Variants in ARPP21 observed in about 807,000 individuals in gnomAD.
ARPP21 encodes cAMP-regulated phosphoprotein 21.
A neutral mutation model predicts 113.2 loss-of-function variants in ARPP21; 69 were observed. The ratio of observed to expected loss-of-function variants is 0.61; its 90% confidence interval spans 0.50 to 0.74. The LOEUF is 0.74. Among genes scored for constraint, ARPP21 ranks in the 30% least tolerant of loss-of-function variants. ARPP21 has a pLI of 0.00. For missense variants in ARPP21, 1,070 were observed against 1,037.4 expected, an observed-to-expected ratio of 1.03 and a Z score of -0.43; for synonymous variants, 368 against 375.5, an observed-to-expected ratio of 0.98 and a Z score of 0.23.
chr3:35,756,370 AT>A (rs2095570413), intron 19 of ARPP21, among the ~76,000 whole-genome samples: 1 of 152,110 alleles, frequency 6.6e-6, no homozygotes, highest in East Asian at 1.9e-4. Context: ...TTATAGTATG[AT>A]TCCATGGCTG....
intron 18 of ARPP21, 22 bp downstream of exon 18, chr3:35,739,599 T>C (rs1230506901): frequency 2.5e-6 from 4 of 1,591,632 alleles, no homozygotes; most frequent in East Asian, 2.2e-5. Context: ...TCCTCATGCC[T>C]GTGACCTACA....
chr3:35,660,305 G>A (rs1165475040), intron 1 of ARPP21, among the ~76,000 whole-genome samples: 3 of 151,970 alleles, frequency 2.0e-5, no homozygotes, highest in East Asian at 1.9e-4. Context: ...ATAAATGATC[G>A]GCCCAGCCAC....
chr3:35,787,401 C>T (rs1293715339), intron 19 of ARPP21, among the ~76,000 whole-genome samples: 3 of 152,130 alleles, frequency 2.0e-5, no homozygotes, highest in Admixed American at 6.5e-5. Flanking sequence ...AATATAGTCT[C>T]TTCAAAGATT....
chr3:35,683,489 T>C (rs2079583650), intron 4 of ARPP21, among the ~76,000 whole-genome samples: 2 of 149,764 alleles, frequency 1.3e-5, no homozygotes. Flanking sequence ...CACAATTTAC[T>C]AAAAGTATTT....
At chr3:35,720,545 A>T (rs1479357043) in intron 13 of ARPP21, among the ~76,000 whole-genome samples, 1 of 152,180 alleles carries the variant, frequency 6.6e-6, no homozygotes, top group African/African-American at 2.4e-5. Flanking sequence ...TGTTAATATG[A>T]GTTAGGTGTT....
chr3:35,714,178 T>C (rs2091960644), intron 11 of ARPP21, among the ~76,000 whole-genome samples: 1 of 152,224 alleles, frequency 6.6e-6, no homozygotes, highest in South Asian at 2.1e-4. Flanking sequence ...AATGAGGTTT[T>C]TGCATACTTG....
intron 9 of ARPP21, among the ~76,000 whole-genome samples, chr3:35,702,929 G>T (rs1400890680): frequency 6.6e-6 from 1 of 151,728 alleles, no homozygotes; most frequent in Non-Finnish European, 1.5e-5. Context: ...TCTCTAATTT[G>T]TTTGACTATT....
intron 9 of ARPP21, among the ~76,000 whole-genome samples, chr3:35,706,766 A>G (rs909354430): frequency 1.3e-5 from 2 of 152,192 alleles, no homozygotes; most frequent in African/African-American, 4.8e-5. Flanking sequence ...CATGTAGCAA[A>G]CAAGACCCCA....
intron 19 of ARPP21, among the ~76,000 whole-genome samples, chr3:35,749,695 T>G (rs1424539785): frequency 6.6e-6 from 1 of 152,164 alleles, no homozygotes; most frequent in East Asian, 1.9e-4. Context: ...TAACTTTGTA[T>G]TTTAAGATAA....
intron 1 of ARPP21, among the ~76,000 whole-genome samples, chr3:35,648,019 T>C (rs1651636885): frequency 6.6e-6 from 1 of 152,114 alleles, no homozygotes; most frequent in Non-Finnish European, 1.5e-5. Flanking sequence ...CACCTCCATT[T>C]AAGAAAAAAA....
At chr3:35,729,085 C>T (rs2093762340) in intron 14 of ARPP21, among the ~76,000 whole-genome samples, 1 of 152,166 alleles carries the variant, frequency 6.6e-6, no homozygotes, top group Non-Finnish European at 1.5e-5. Context: ...CTTAATTCCT[C>T]TTTTCCCAGA....
intron 19 of ARPP21, among the ~76,000 whole-genome samples, chr3:35,768,408 T>C (rs1247865489): frequency 6.6e-6 from 1 of 152,116 alleles, no homozygotes; most frequent in Non-Finnish European, 1.5e-5. Context: ...ATATGGAACA[T>C]TGGCTAACAC....
chr3:35,731,969 T>C (rs956178328), intron 15 of ARPP21, among the ~76,000 whole-genome samples: 3 of 152,192 alleles, frequency 2.0e-5, no homozygotes, highest in African/African-American at 7.2e-5. Context: ...ATTTTATTTG[T>C]TGCTTCTCCA....
rs1468652753 is a variant in ARPP21 at position 35,736,552 on chromosome 3, TA to T, written c.1460-625del. On this transcript the variant is annotated intron_variant, in intron 15 of 20. Coordinates refer to ENST00000684406, the MANE Select transcript of ARPP21 (RefSeq NM_001385562.1). ...TTATTTCATAAGGCAAAAGAATATA[TA>T]TTAGCTTTTCCATTACAAGATGATT... 3.9e-5 allele frequency among the ~76,000 whole-genome samples: 6 copies of T among 152,334 alleles called. No individual in the cohort carries two copies. The East Asian group carries it at 1.2e-3, about 29-fold the overall frequency.
Position 35,738,272 on chromosome 3 carries a change from C to T in ARPP21, c.1703C>T (p.Pro568Leu). The T allele has an allele frequency of 6.5e-7, 1 of 1,536,202 alleles. No homozygotes were observed. Among genetic ancestry groups the T allele is most frequent in the Non-Finnish European group, 8.7e-7 (1 of 1,146,790 alleles). ...GTGCAATATCCAGCAGTCTCTTTTC[C>T]TCCCCAGCACCTCCTACCTGTGTCT... The part of the protein sequence containing the change: ...QSVQYPAVSF[P>L]PQHLLPVSPT... The change falls in exon 17 of 21, where the codon CCT (proline) becomes CTT (leucine). Residue 568 changes from proline (P) to leucine (L), a missense_variant. Physicochemically the swap from Pro to Leu is moderately conservative, Grantham distance 98. Transcript: ENST00000684406.
intron 1 of ARPP21, chr3:35,642,483 G>T (rs1250156074): frequency 6.6e-6 from 1 of 152,110 alleles, no homozygotes; most frequent in Non-Finnish European, 1.5e-5. Flanking sequence ...ATGGATTTTT[G>T]TTAGAGAATT....
At chr3:35,791,639 TAACA>T (rs1471199341) in intron 19 of ARPP21, among the ~76,000 whole-genome samples, 1 of 152,152 alleles carries the variant, frequency 6.6e-6, no homozygotes, top group Non-Finnish European at 1.5e-5. Context: ...AAATGAAGGC[TAACA>T]AACTGACCCA....
In ARPP21 at chr3:35,792,405, C is replaced by T. The variant is rs1249004964; in HGVS notation, c.2161C>T (p.Gln721Ter). ...AGGTTACCAGCCAGTCTTGTCTGGT[C>T]AACAGGGATTCCAAGGCCTAATAGG... ...QAGYQPVLSG[Q>*]QGFQGLIGVQ... Residue 721 changes from glutamine (Q) to a stop codon, truncating the protein, a stop_gained, in exon 20 of 21, where the codon CAA becomes TAA. Transcript: ENST00000684406. LOFTEE classifies it high-confidence loss of function. The T allele has an allele frequency of 6.2e-7, 1 of 1,613,854 alleles. No individual in the cohort carries two copies. The highest frequency in any genetic ancestry group is 8.5e-7 in the Non-Finnish European group (1 of 1,179,870).
intron 11 of ARPP21, among the ~76,000 whole-genome samples, chr3:35,714,275 G>GTGTTT (rs71295012): frequency 0.36 from 53,985 of 151,688 alleles, 10,783 homozygotes; most frequent in East Asian, 0.72. Context: ...AAAACTGAGA[G>GTGTTT]AAACACCATG....
Sources: allele counts gnomAD v4.1 joint callset (sites outside exome capture counted in the v4.1 genomes callset), GRCh38; gene constraint gnomAD v4.1.1; transcripts MANE v1.5; gene names NCBI Gene and HGNC (gene_info 2026-07-23, HGNC 2026-07-21).